The following IL34 variants were observed in gnomAD, a reference collection of about 807,000 sequenced individuals.
IL34 encodes interleukin-34.
IL34 carries 17 observed loss-of-function variants against 25.3 expected under a neutral mutation model. The observed-to-expected ratio is 0.67, with a 90% CI of 0.46 to 1.01. The LOEUF (loss-of-function observed/expected upper bound fraction) is 1.01. Among genes scored for constraint, IL34 ranks in the 50% least tolerant of loss-of-function variants. The probability of loss-of-function intolerance (pLI) is 0.00; values close to 1 mark genes in which losing one functional copy is unlikely to be tolerated. For synonymous variants in IL34, 174 were observed against 140.9 expected (o/e 1.23, Z -1.66); for missense variants, 368 against 312.9 (o/e 1.18, Z -1.33).
intron 1 of IL34, among the ~76,000 whole-genome samples, chr16:70,621,830 G>A (rs967939716): frequency 6.6e-6 from 1 of 152,148 alleles, no homozygotes; most frequent in African/African-American, 2.4e-5. Context: ...GTGCTCAGTG[G>A]GGGTGTTTTT....
chr16:70,605,864 G>T (rs1373221018), intron 1 of IL34, among the ~76,000 whole-genome samples: 1 of 151,336 alleles, frequency 6.6e-6, no homozygotes, highest in Non-Finnish European at 1.5e-5. Flanking sequence ...TAGAGACGGG[G>T]TTTCATCATG....
chr16:70,617,367 T>C (rs1362249268), intron 1 of IL34, among the ~76,000 whole-genome samples: 1 of 152,184 alleles, frequency 6.6e-6, no homozygotes, highest in Non-Finnish European at 1.5e-5. Flanking sequence ...AGATATCAGC[T>C]GTGATGGCTT....
At chr16:70,658,645 A>G (rs1475161403) in intron 4 of IL34, among the ~76,000 whole-genome samples, 2 of 151,272 alleles carry the variant, frequency 1.3e-5, no homozygotes, top group South Asian at 2.1e-4. Context: ...CCACACCTGT[A>G]TTTTTAGTAG....
intron 1 of IL34, among the ~76,000 whole-genome samples, chr16:70,627,242 T>G (rs1026799912): frequency 6.6e-6 from 1 of 152,154 alleles, no homozygotes; most frequent in African/African-American, 2.4e-5. Flanking sequence ...AATATCTAAT[T>G]ACACAAACAC....
intron 3 of IL34, 45 bp from the exon 4 acceptor site, chr16:70,656,915 G>A (rs781195680): frequency 6.0e-5 from 95 of 1,578,242 alleles, no homozygotes; most frequent in Admixed American, 8.6e-5. Context: ...TCAGAGCCCA[G>A]AGGCCCATGT....
chr16:70,648,997 C>G (rs2151873761), intron 1 of IL34, among the ~76,000 whole-genome samples: 1 of 152,272 alleles, frequency 6.6e-6, no homozygotes, highest in South Asian at 2.1e-4. Context: ...CTCTCCTCTT[C>G]TTCCTAGGAC....
At chr16:70,644,706 A>G (rs147719208), upstream of IL34, among the ~76,000 whole-genome samples, 759 of 68,384 alleles carry the variant, frequency 0.011, 8 homozygotes, top group Middle Eastern at 0.04. Context: ...GAGGAGGAGG[A>G]GGAGGGGGAG....
rs757346145 is a variant in IL34 at position 70,656,911 on chromosome 16, C to G, written c.241-49C>G. The G allele has an allele frequency of 1.1e-5, 18 of 1,572,198 alleles. No homozygotes were observed. The African/African-American group carries it at 1.6e-4, about 14-fold the overall frequency. On this transcript the variant is annotated intron_variant, in intron 3 of 5. Transcript: ENST00000288098. ...GTCCCTGGTGAGGGAGTGGTCAGAG[C>G]CCAGAGGCCCATGTCTCCCGAGTTG...
At chr16:70,588,881 A>G (rs757916080) in intron 1 of IL34, among the ~76,000 whole-genome samples, 37 of 152,172 alleles carry the variant, frequency 2.4e-4, no homozygotes, top group Admixed American at 2.0e-4. Context: ...CAATGTTTCT[A>G]TGGTGGTTGC....
chr16:70,605,759 C>T (rs1300343005), intron 1 of IL34, among the ~76,000 whole-genome samples: 3 of 152,038 alleles, frequency 2.0e-5, no homozygotes, highest in African/African-American at 7.2e-5. Context: ...CAACATCTGC[C>T]TCCCGGGTTC....
intron 1 of IL34, among the ~76,000 whole-genome samples, chr16:70,648,042 T>C (rs934851442): frequency 5.3e-5 from 8 of 152,102 alleles, no homozygotes; most frequent in Non-Finnish European, 1.2e-4. Flanking sequence ...GGCTGGGAGC[T>C]GGTTTGGACC....
At chr16:70,658,575 A>T (rs1295104134) in intron 4 of IL34, among the ~76,000 whole-genome samples, 1 of 151,742 alleles carries the variant, frequency 6.6e-6, no homozygotes, top group East Asian at 1.9e-4. Context: ...TCCGTCTCCC[A>T]GGTTCAAGCA....
chr16:70,615,497 C>T (rs1419358337), intron 1 of IL34, among the ~76,000 whole-genome samples: 3 of 151,912 alleles, frequency 2.0e-5, no homozygotes, highest in Admixed American at 2.0e-4. Flanking sequence ...CAGAGCAAGA[C>T]TCCGTCTCAA....
chr16:70,626,791 C>G (rs981665397), intron 1 of IL34, among the ~76,000 whole-genome samples: 1 of 152,066 alleles, frequency 6.6e-6, no homozygotes, highest in African/African-American at 2.4e-5. Flanking sequence ...AGGAGTAGGT[C>G]TAATTTTATT....
In IL34 at chr16:70,656,649, GGT is replaced by G; in HGVS notation, c.213_214del (p.Phe72GlnfsTer31). On this transcript the variant is annotated frameshift_variant, in exon 3 of 6. Transcript: ENST00000288098. LOFTEE classifies it high-confidence loss of function. ...NYKISVPYEG[V>X]FRIANVTRLQ... is the part of the protein sequence containing the mutation. ...ACAAGATCAGTGTGCCTTACGAGGG[GGT>G]GTTCAGAATCGCCAACGTCACCAGG... 1 of 1,470,630 alleles carries G rather than the reference GGT, an allele frequency of 6.8e-7. No homozygotes were observed. Among genetic ancestry groups the G allele is most frequent in the South Asian group, 1.1e-5 (1 of 88,168 alleles). The allele number at this position is 1,470,630 out of a possible 1,614,324, so 91.1% of individuals were successfully genotyped here. A position where few individuals can be genotyped will look rare whatever the true frequency, so the allele number is the denominator to read the frequency against.
chr16:70,636,392 C>G (rs748865524), intron 1 of IL34, among the ~76,000 whole-genome samples: 2 of 152,106 alleles, frequency 1.3e-5, no homozygotes, highest in Non-Finnish European at 2.9e-5. Flanking sequence ...AGTCTAGAAA[C>G]TTAACCACAT....
chr16:70,598,027 G>T (rs1206731284), intron 1 of IL34, among the ~76,000 whole-genome samples: 1 of 152,142 alleles, frequency 6.6e-6, no homozygotes, highest in Non-Finnish European at 1.5e-5. Flanking sequence ...TATATTTTTA[G>T]TAGAGACGGG....
In IL34 at chr16:70,646,955, G is replaced by A. The variant is rs771359932; in HGVS notation, c.8G>A (p.Arg3Gln). 24 of 1,467,934 alleles carry A rather than the reference G, an allele frequency of 1.6e-5. No individual in the cohort carries two copies. The highest frequency in any genetic ancestry group is 1.9e-5 in the Non-Finnish European group (21 of 1,116,760). The allele number at this position is 1,467,934 out of a possible 1,614,324, so 90.9% of individuals were successfully genotyped here. A position where few individuals can be genotyped will look rare whatever the true frequency, so the allele number is the denominator to read the frequency against. Reference protein sequence around the residue: MPRGFTWLRYLGI... With the variant: MPQGFTWLRYLGI... ...GGGACGAGGAACACCACCATGCCCC[G>A]GGGCTTCACCTGGCTGCGCTGTGAG... Residue 3 changes from arginine (R) to glutamine (Q), a missense_variant, in exon 1 of 6, where the codon CGG becomes CAG. Arg to Gln is a conservative substitution (Grantham distance 43, BLOSUM62 1). Coordinates refer to ENST00000288098, the MANE Select transcript of IL34 (RefSeq NM_001393494.1).
At chr16:70,588,109 G>T (rs1040106037) in intron 1 of IL34, among the ~76,000 whole-genome samples, 9 of 152,192 alleles carry the variant, frequency 5.9e-5, no homozygotes, top group Non-Finnish European at 1.0e-4. Flanking sequence ...AGTTGGTGGG[G>T]ATGTTAACTG....
Sources: gnomAD v4.1 joint callset for allele counts (sites outside exome capture counted in the v4.1 genomes callset) on GRCh38, gnomAD v4.1.1 for gene constraint, MANE v1.5 for transcripts, NCBI Gene and HGNC (gene_info 2026-07-23, HGNC 2026-07-21) for gene names.